The following TBCA variants were observed in gnomAD, a reference collection of about 807,000 sequenced individuals.
TBCA encodes the protein tubulin folding cofactor A.
TBCA carries 6 observed loss-of-function variants against 15.8 expected under a neutral mutation model. The ratio of observed to expected loss-of-function variants is 0.38; its 90% CI spans 0.21 to 0.75. The LOEUF (loss-of-function observed/expected upper bound fraction) is 0.75, where lower values mean the gene tolerates loss of function less well. TBCA is among the 30% of genes least tolerant of loss of function. The probability of loss-of-function intolerance (pLI) is 0.46; values close to 1 mark genes in which losing one functional copy is unlikely to be tolerated. For missense variants in TBCA, 90 were observed against 131.2 expected, an observed-to-expected ratio of 0.69 and a Z score of 1.53; for synonymous variants, 32 against 42.3, an observed-to-expected ratio of 0.76 and a Z score of 0.94.
intron 1 of TBCA, among the ~76,000 whole-genome samples, chr5:77,764,977 T>C (rs185670885): frequency 2.0e-5 from 3 of 152,152 alleles, no homozygotes; most frequent in Admixed American, 6.5e-5. Flanking sequence ...TTTAAATATT[T>C]AGTTAGAAAA....
intron 2 of TBCA, among the ~76,000 whole-genome samples, chr5:77,704,389 T>C (rs1305761804): frequency 6.6e-6 from 1 of 152,184 alleles, no homozygotes; most frequent in East Asian, 1.9e-4. Context: ...GCACCTTAAC[T>C]GTGTGCTTAA....
chr5:77,723,823 G>A (rs919457760), intron 1 of TBCA, among the ~76,000 whole-genome samples: 1 of 152,002 alleles, frequency 6.6e-6, no homozygotes, highest in Non-Finnish European at 1.5e-5. Context: ...AGAAACTAGA[G>A]AATATGATTT....
At chr5:77,753,601 T>A (rs1747406404) in intron 1 of TBCA, among the ~76,000 whole-genome samples, 1 of 152,240 alleles carries the variant, frequency 6.6e-6, no homozygotes, top group Non-Finnish European at 1.5e-5. Flanking sequence ...TGAGACAGAT[T>A]ACAGAATTTA....
intron 2 of TBCA, among the ~76,000 whole-genome samples, chr5:77,699,993 G>A (rs908275820): frequency 2.2e-5 from 3 of 134,236 alleles, no homozygotes; most frequent in South Asian, 2.4e-4. Flanking sequence ...AGCTGAGATC[G>A]CACCACTGCA....
At chr5:77,711,313 A>T (rs1357529586) in intron 1 of TBCA, among the ~76,000 whole-genome samples, 1 of 152,124 alleles carries the variant, frequency 6.6e-6, no homozygotes, top group Non-Finnish European at 1.5e-5. Flanking sequence ...CAAAACCTAA[A>T]ATATAATATC....
rs1554043961 is a variant in TBCA, at chr5:77,714,575, A to ATTATTTT, written c.54-6229_54-6228insAAAATAA. ...AACAATTATTACTATTATTATTATT[A>ATTATTTT]TTTTTTTTTGAGATGGAGTCTGTCT... On this transcript the variant is annotated intron_variant, in intron 1 of 3. Transcript: ENST00000380377. 2.7e-5 allele frequency among the ~76,000 whole-genome samples: 4 copies of ATTATTTT among 148,926 alleles called. 1 individual carries two copies. Among genetic ancestry groups the ATTATTTT allele is most frequent in the Non-Finnish European group, 5.9e-5 (4 of 67,308 alleles).
chr5:77,696,703 C>T (rs1561262204), intron 2 of TBCA, among the ~76,000 whole-genome samples: 1 of 152,162 alleles, frequency 6.6e-6, no homozygotes, highest in African/African-American at 2.4e-5. Flanking sequence ...AGGAAGATAG[C>T]TTGAGGCCAG....
intron 1 of TBCA, among the ~76,000 whole-genome samples, chr5:77,716,824 C>T (rs2112450354): frequency 6.6e-6 from 1 of 152,276 alleles, no homozygotes; most frequent in African/African-American, 2.4e-5. Flanking sequence ...CAACAGAATC[C>T]AGTTTTGCTT....
At chr5:77,732,629 C>G (rs1746801056) in intron 1 of TBCA, among the ~76,000 whole-genome samples, 1 of 150,146 alleles carries the variant, frequency 6.7e-6, no homozygotes, top group African/African-American at 2.5e-5. Context: ...TGCCTTTTTT[C>G]CAAAAGCATG....
chr5:77,730,566 T>TC (rs541507289), intron 1 of TBCA, among the ~76,000 whole-genome samples: 185 of 75,676 alleles, frequency 2.4e-3, no homozygotes, highest in Non-Finnish European at 5.8e-3. Context: ...CTCAAATTTT[T>TC]TTTTTTTTTA....
At chr5:77,710,353 A>G (rs1328812984) in intron 1 of TBCA, among the ~76,000 whole-genome samples, 2 of 152,242 alleles carry the variant, frequency 1.3e-5, no homozygotes, top group East Asian at 3.8e-4. Context: ...ATATTAAAAT[A>G]TACTTTGAGA....
At chr5:77,692,015 A>C (rs1745762065) in intron 3 of TBCA, 1 of 985,402 alleles carries the variant, frequency 1.0e-6, no homozygotes. Flanking sequence ...CCTACACTAA[A>C]GGAAACAAAA....
In TBCA at chr5:77,718,426, A is replaced by G. The variant is rs150310419; in HGVS notation, c.54-10079T>C. Among the ~76,000 whole-genome samples the G allele has an allele frequency of 4.9e-3, 753 of 152,312 alleles. 21 individuals are homozygous for G. The highest frequency in any genetic ancestry group is 0.029 in the Admixed American group (436 of 15,296). On this transcript the variant is annotated intron_variant, in intron 1 of 3. Coordinates refer to ENST00000380377, the MANE Select transcript of TBCA (RefSeq NM_004607.3). ...GCACCAGGAAGTGTATCCACTTACT[A>G]CTTGGATGCAGGAAGAAAAAAGTCA...
At chr5:77,745,758 C>G (rs1210284322) in intron 1 of TBCA, among the ~76,000 whole-genome samples, 1 of 152,180 alleles carries the variant, frequency 6.6e-6, no homozygotes, top group Non-Finnish European at 1.5e-5. Flanking sequence ...AAGAAATTCT[C>G]AGGCTTAGGA....
At chr5:77,739,769 G>A (rs1746991064) in intron 1 of TBCA, among the ~76,000 whole-genome samples, 1 of 151,808 alleles carries the variant, frequency 6.6e-6, no homozygotes, top group Non-Finnish European at 1.5e-5. Context: ...GCACCCTGGG[G>A]GCCTTACCAA....
chr5:77,701,532 G>A (rs1746013383), intron 2 of TBCA, among the ~76,000 whole-genome samples: 1 of 151,582 alleles, frequency 6.6e-6, no homozygotes, highest in Non-Finnish European at 1.5e-5. Context: ...ATTTGATCCA[G>A]CAATTCCTAT....
intron 1 of TBCA, among the ~76,000 whole-genome samples, chr5:77,719,993 C>A (rs1301360094): frequency 6.6e-6 from 1 of 152,076 alleles, no homozygotes; most frequent in Non-Finnish European, 1.5e-5. Flanking sequence ...TCTGTCTGTA[C>A]ATTTGACTTT....
At chr5:77,770,782 T>C (rs1441116021) in intron 1 of TBCA, among the ~76,000 whole-genome samples, 4 of 149,018 alleles carry the variant, frequency 2.7e-5, no homozygotes, top group Admixed American at 6.7e-5. Flanking sequence ...TGCCAACTAA[T>C]ACCCACTACC....
intron 3 of TBCA, chr5:77,692,067 A>G: frequency 1.0e-6 from 1 of 984,858 alleles, no homozygotes; most frequent in Non-Finnish European, 1.2e-6. Context: ...GAGTTTTTCC[A>G]TAATACTGAT....
Sources: allele counts gnomAD v4.1 joint callset (sites outside exome capture counted in the v4.1 genomes callset), GRCh38; gene constraint gnomAD v4.1.1; transcripts MANE v1.5; gene names NCBI Gene and HGNC (gene_info 2026-07-23, HGNC 2026-07-21).